CTNNA2: variants seen among roughly 807,000 people sequenced by gnomAD.
CTNNA2 encodes the protein catenin alpha 2.
CTNNA2 carries 42 observed loss-of-function variants against 101.0 expected under a neutral mutation model. The ratio of observed to expected loss-of-function variants is 0.42; its 90% CI spans 0.32 to 0.54. The LOEUF is 0.54. CTNNA2 is among the 20% of genes least tolerant of loss of function. CTNNA2 has a pLI of 0.14. For missense variants in CTNNA2, 871 were observed against 1,223.1 expected (o/e 0.71, Z 4.29); for synonymous variants, 450 against 456.4 (o/e 0.99, Z 0.18).
intron 4 of CTNNA2, among the ~76,000 whole-genome samples, chr2:79,460,274 C>T (rs1573176101): frequency 6.6e-6 from 1 of 152,058 alleles, no homozygotes; most frequent in Non-Finnish European, 1.5e-5. Context: ...AAATAATCAC[C>T]TCAGTCTAAC....
At chr2:80,108,196 G>C (rs1247599423) in intron 7 of CTNNA2, among the ~76,000 whole-genome samples, 1 of 152,210 alleles carries the variant, frequency 6.6e-6, no homozygotes, top group Non-Finnish European at 1.5e-5. Flanking sequence ...GAGGAGCCCA[G>C]AGGGGAGCAG....
chr2:80,042,615 T>C (rs2104279101), intron 7 of CTNNA2, among the ~76,000 whole-genome samples: 1 of 152,210 alleles, frequency 6.6e-6, no homozygotes, highest in East Asian at 1.9e-4. Context: ...CACTGTCCTG[T>C]CTCTGTGGGA....
chr2:79,534,514 A>G (rs1672936440), intron 1 of CTNNA2, among the ~76,000 whole-genome samples: 1 of 150,948 alleles, frequency 6.6e-6, no homozygotes, highest in East Asian at 1.9e-4. Context: ...TTATCTTAAA[A>G]TGAAAACTTG....
intron 3 of CTNNA2, among the ~76,000 whole-genome samples, chr2:79,833,934 AT>A (rs910250251): frequency 6.6e-6 from 1 of 152,098 alleles, no homozygotes. Context: ...AACTAGCTGC[AT>A]TTTTCTAAAC....
intron 7 of CTNNA2, among the ~76,000 whole-genome samples, chr2:80,251,055 T>C (rs2149106531): frequency 6.6e-6 from 1 of 152,220 alleles, no homozygotes; most frequent in East Asian, 1.9e-4. Context: ...TCTGTACCAT[T>C]TTTATACTTT....
intron 1 of CTNNA2, among the ~76,000 whole-genome samples, chr2:79,643,950 C>G (rs984377759): frequency 8.5e-5 from 13 of 152,284 alleles, no homozygotes; most frequent in Middle Eastern, 6.8e-3. Flanking sequence ...TGCCTTTTCC[C>G]TTAGCCCTAC....
At chr2:80,293,748 T>G (rs1675475157) in intron 7 of CTNNA2, among the ~76,000 whole-genome samples, 1 of 152,208 alleles carries the variant, frequency 6.6e-6, no homozygotes, top group Admixed American at 6.5e-5. Flanking sequence ...GTTTACATTC[T>G]TGGAAGAGCT....
At chr2:80,580,767 C>A (rs1233782629) in intron 13 of CTNNA2, among the ~76,000 whole-genome samples, 1 of 152,146 alleles carries the variant, frequency 6.6e-6, no homozygotes, top group Admixed American at 6.5e-5. Context: ...GTAATCCTAG[C>A]AATTTGGGAG....
In CTNNA2 at chr2:80,310,294, G is replaced by C. The variant is rs145372309; in HGVS notation, c.1057-82917G>C. On this transcript the variant is annotated intron_variant, in intron 7 of 18. Coordinates refer to ENST00000402739, the MANE Select transcript of CTNNA2 (RefSeq NM_001282597.3). ...AATGGAAAGTCTATGTGTACCACAG[G>C]CCTGAGCACTTAGCAGGGCTCTTAA... 3.5e-3 allele frequency among the ~76,000 whole-genome samples: 531 copies of C among 152,308 alleles called. 5 individuals carry two copies. The highest frequency in any genetic ancestry group is 6.8e-3 in the Middle Eastern group (2 of 294).
At position 79,957,707 on chromosome 2, in the gene CTNNA2, T is replaced by C. The variant is rs534168736; in HGVS notation, c.1056+47910T>C. On this transcript the variant is annotated intron_variant, in intron 7 of 18. Coordinates refer to ENST00000402739, the MANE Select transcript of CTNNA2 (RefSeq NM_001282597.3). ...ACCACCTGCACTGGATTCTCATTCC[T>C]GTCAGGACCCTGTCTCATCCCAGTA... Among the ~76,000 whole-genome samples the C allele has an allele frequency of 7.2e-5, 11 of 152,358 alleles. No homozygotes were observed. The South Asian group carries it at 2.3e-3, about 32-fold the overall frequency.
intron 4 of CTNNA2, among the ~76,000 whole-genome samples, chr2:79,469,504 A>G (rs535305979): frequency 8.3e-4 from 126 of 152,318 alleles, no homozygotes; most frequent in African/African-American, 2.9e-3. Flanking sequence ...ATAGAAAAAG[A>G]GGGAATTCTC....
At position 80,216,964 on chromosome 2, in the gene CTNNA2, C is replaced by T. The variant is rs930555930; in HGVS notation, c.1057-176247C>T. 5.3e-5 allele frequency among the ~76,000 whole-genome samples: 8 copies of T among 151,764 alleles called. No individual in the cohort carries two copies. The South Asian group carries it at 8.4e-4, about 16-fold the overall frequency. ...GCAATTCTCATACCTCAGCCTCCCA[C>T]GTAGCTGTGACTACAGGCGTACACC... is the stretch of plus-strand genomic sequence containing the variant. On this transcript the variant is annotated intron_variant, in intron 7 of 18. Transcript: ENST00000402739.
chr2:79,790,567 G>C (rs532372194), intron 3 of CTNNA2, among the ~76,000 whole-genome samples: 32 of 152,278 alleles, frequency 2.1e-4, no homozygotes, highest in Admixed American at 2.0e-4. Flanking sequence ...ACTAACTTCA[G>C]TGTAATGTTA....
intron 3 of CTNNA2, among the ~76,000 whole-genome samples, chr2:79,769,045 A>C (rs1433929345): frequency 6.6e-6 from 1 of 151,930 alleles, no homozygotes; most frequent in Non-Finnish European, 1.5e-5. Flanking sequence ...TTAGTAGAGA[A>C]GAGGTTTCAT....
intron 3 of CTNNA2, among the ~76,000 whole-genome samples, chr2:79,829,975 T>A (rs956911623): frequency 6.6e-6 from 1 of 152,054 alleles, no homozygotes; most frequent in Non-Finnish European, 1.5e-5. Flanking sequence ...TTTAATGATA[T>A]CAAGTTTTGA....
chr2:80,069,206 A>G (rs1238993312), intron 7 of CTNNA2, among the ~76,000 whole-genome samples: 1 of 152,144 alleles, frequency 6.6e-6, no homozygotes, highest in East Asian at 1.9e-4. Flanking sequence ...ATGGACCCTC[A>G]GCATATTGGA....
intron 3 of CTNNA2, among the ~76,000 whole-genome samples, chr2:79,361,809 G>A (rs1233489863): frequency 1.3e-5 from 2 of 152,094 alleles, no homozygotes; most frequent in Non-Finnish European, 2.9e-5. Context: ...ATATAGGTTG[G>A]GAGGCTAGGC....
At chr2:79,965,190 G>A (rs981961559) in intron 7 of CTNNA2, among the ~76,000 whole-genome samples, 1 of 152,126 alleles carries the variant, frequency 6.6e-6, no homozygotes, top group African/African-American at 2.4e-5. Flanking sequence ...TCGTGGGAGG[G>A]CACCCGCTAA....
intron 7 of CTNNA2, among the ~76,000 whole-genome samples, chr2:80,091,722 A>G (rs1699803884): frequency 1.3e-5 from 2 of 152,088 alleles, no homozygotes; most frequent in Admixed American, 6.6e-5. Context: ...GTGATGGGAT[A>G]CCAGGAACAT....
Sources: allele counts gnomAD v4.1 joint callset (sites outside exome capture counted in the v4.1 genomes callset), GRCh38; gene constraint gnomAD v4.1.1; transcripts MANE v1.5; gene names NCBI Gene and HGNC (gene_info 2026-07-23, HGNC 2026-07-21).